The following CCDC85A variants were observed in gnomAD, a reference collection of about 807,000 sequenced individuals.
CCDC85A encodes the protein coiled-coil domain-containing protein 85A.
CCDC85A carries 38 observed loss-of-function variants against 50.2 expected under a neutral mutation model. The observed-to-expected ratio is 0.76, with a 90% CI of 0.58 to 0.99. The LOEUF is 0.99. Among genes scored for constraint, CCDC85A ranks in the 50% least tolerant of loss-of-function variants. The probability of loss-of-function intolerance (pLI) is 0.00; values close to 1 mark genes in which losing one functional copy is unlikely to be tolerated. For synonymous variants in CCDC85A, 366 were observed against 301.4 expected, an observed-to-expected ratio of 1.21 and a Z score of -2.22; for missense variants, 820 against 742.0, an observed-to-expected ratio of 1.11 and a Z score of -1.22.
chr2:56,383,041 C>A (rs1257021424), intron 5 of CCDC85A, among the ~76,000 whole-genome samples: 3 of 151,890 alleles, frequency 2.0e-5, no homozygotes, highest in Admixed American at 6.6e-5. Flanking sequence ...TTAATAATTC[C>A]TTTCCAGATA....
chr2:56,268,102 A>G (rs566584175), intron 2 of CCDC85A, among the ~76,000 whole-genome samples: 1 of 152,212 alleles, frequency 6.6e-6, no homozygotes. Context: ...AATGTATTCT[A>G]TATTTTTGGA....
At chr2:56,320,591 A>C (rs953627344) in intron 2 of CCDC85A, among the ~76,000 whole-genome samples, 6 of 152,196 alleles carry the variant, frequency 3.9e-5, no homozygotes, top group Non-Finnish European at 5.9e-5. Context: ...CTAAACCAGG[A>C]AGAAGTTGAA....
At chr2:56,205,867 C>A (rs1676938280) in intron 2 of CCDC85A, among the ~76,000 whole-genome samples, 1 of 152,016 alleles carries the variant, frequency 6.6e-6, no homozygotes, top group Admixed American at 6.6e-5. Flanking sequence ...TATGGTTAAG[C>A]AAGAAAATGG....
chr2:56,201,326 A>G (rs958051693), intron 2 of CCDC85A, among the ~76,000 whole-genome samples: 1 of 152,164 alleles, frequency 6.6e-6, no homozygotes, highest in Non-Finnish European at 1.5e-5. Flanking sequence ...GGTATGGTTG[A>G]GGGATAGAAC....
intron 2 of CCDC85A, among the ~76,000 whole-genome samples, chr2:56,290,982 G>A (rs1433120743): frequency 6.6e-6 from 1 of 152,196 alleles, no homozygotes; most frequent in African/African-American, 2.4e-5. Context: ...AAAAAAATGT[G>A]TAGTGTTTTG....
chr2:56,329,210 C>T lies in CCDC85A; in HGVS notation c.1241-13669C>T, dbSNP rs146834096. Among the ~76,000 whole-genome samples, 45 of 152,244 alleles carry T rather than the reference C, an allele frequency of 3.0e-4. No individual in the cohort carries two copies. In the East Asian group the frequency reaches 6.8e-3, roughly 23 times the overall value. On this transcript the variant is annotated intron_variant, in intron 2 of 5. Coordinates refer to ENST00000407595, the MANE Select transcript of CCDC85A (RefSeq NM_001080433.2). ...GGGACTTCTCAAGTTCTATTCTTGC[C>T]GCTTGGAAAGCTCATTCCCAAATGT...
intron 2 of CCDC85A, among the ~76,000 whole-genome samples, chr2:56,301,562 A>G (rs542014465): frequency 6.6e-6 from 1 of 152,204 alleles, no homozygotes; most frequent in African/African-American, 2.4e-5. Context: ...AGTGAATAGG[A>G]AGTAAGAAGG....
At chr2:56,325,082 G>T (rs975020803) in intron 2 of CCDC85A, among the ~76,000 whole-genome samples, 36 of 151,916 alleles carry the variant, frequency 2.4e-4, no homozygotes, top group African/African-American at 8.7e-4. Flanking sequence ...TTTTGTGAGG[G>T]TGAATAAAAA....
chr2:56,237,762 G>T (rs952394163), intron 2 of CCDC85A, among the ~76,000 whole-genome samples: 1 of 150,176 alleles, frequency 6.7e-6, no homozygotes, highest in East Asian at 2.0e-4. Context: ...TTTTTTAAGA[G>T]AGAGAGAACA....
chr2:56,194,687 A>T (rs910305763), intron 2 of CCDC85A, among the ~76,000 whole-genome samples: 2 of 152,242 alleles, frequency 1.3e-5, no homozygotes, highest in Non-Finnish European at 2.9e-5. Context: ...ATGTTCTTTT[A>T]AGCACAAGTG....
intron 2 of CCDC85A, among the ~76,000 whole-genome samples, chr2:56,261,330 T>C (rs1670209917): frequency 6.6e-6 from 1 of 152,222 alleles, no homozygotes; most frequent in Non-Finnish European, 1.5e-5. Context: ...ATTGGTGCTG[T>C]GTGCACATCA....
At chr2:56,278,272 C>CT (rs201042562) in intron 2 of CCDC85A, among the ~76,000 whole-genome samples, 16 of 149,378 alleles carry the variant, frequency 1.1e-4, no homozygotes, top group Admixed American at 2.7e-4. Context: ...ATGAACTGGA[C>CT]TTTTTTTTTT....
At chr2:56,321,939 A>G (rs1388963160) in intron 2 of CCDC85A, among the ~76,000 whole-genome samples, 4 of 152,212 alleles carry the variant, frequency 2.6e-5, no homozygotes, top group African/African-American at 9.6e-5. Flanking sequence ...TGGTACCAAA[A>G]CAGAGATATA....
chr2:56,188,447 G>C (rs559850938), intron 1 of CCDC85A, among the ~76,000 whole-genome samples: 1 of 152,302 alleles, frequency 6.6e-6, no homozygotes, highest in Non-Finnish European at 1.5e-5. Flanking sequence ...TGAAGCCGAG[G>C]GTAGCACCAG....
chr2:56,274,273 T>C (rs1214167693), intron 2 of CCDC85A, among the ~76,000 whole-genome samples: 4 of 152,170 alleles, frequency 2.6e-5, no homozygotes, highest in Middle Eastern at 3.2e-3. Context: ...AAAGTATGTG[T>C]GTGTATATAT....
chr2:56,230,292 C>G (rs1005028944), intron 2 of CCDC85A, among the ~76,000 whole-genome samples: 3 of 152,128 alleles, frequency 2.0e-5, no homozygotes, highest in Non-Finnish European at 2.9e-5. Flanking sequence ...TACACTTACT[C>G]TAGGGACAGA....
rs1041050112 is a variant in CCDC85A, at chr2:56,355,538, AT to A, written c.1317+12591del. Among the ~76,000 whole-genome samples the A allele has an allele frequency of 3.9e-5, 6 of 152,130 alleles. No individual in the cohort carries two copies. The South Asian group carries it at 1.0e-3, about 26-fold the overall frequency. On this transcript the variant is annotated intron_variant, in intron 3 of 5. Transcript: ENST00000407595. ...CAAAATAATGAAGCCCTCTTTCAGA[AT>A]TTTTTTTCTCTTTACGATTTTTGTA...
At chr2:56,305,149 T>A (rs1672385887) in intron 2 of CCDC85A, among the ~76,000 whole-genome samples, 1 of 149,762 alleles carries the variant, frequency 6.7e-6, no homozygotes, top group African/African-American at 2.5e-5. Flanking sequence ...GTTAGGAAAA[T>A]AAAAAAAAGT....
intron 2 of CCDC85A, among the ~76,000 whole-genome samples, chr2:56,333,942 C>T (rs1222370916): frequency 6.6e-6 from 1 of 152,208 alleles, no homozygotes; most frequent in East Asian, 1.9e-4. Context: ...CTCTCCATGA[C>T]TAGATTCCAG....
Sources: allele counts gnomAD v4.1 joint callset (sites outside exome capture counted in the v4.1 genomes callset), GRCh38; gene constraint gnomAD v4.1.1; transcripts MANE v1.5; gene names NCBI Gene and HGNC (gene_info 2026-07-23, HGNC 2026-07-21).